Variants in FAM161B observed in about 807,000 individuals in gnomAD.
FAM161B encodes protein FAM161B.
Under a neutral mutation model 61.5 loss-of-function variants are expected in FAM161B, and 46 were observed. That is an observed-to-expected ratio of 0.75 (90% CI 0.59 to 0.96). The LOEUF is 0.96. Among genes scored for constraint, FAM161B ranks in the 40% least tolerant of loss-of-function variants. The probability of loss-of-function intolerance (pLI) is 0.00; values close to 1 mark genes in which losing one functional copy is unlikely to be tolerated. For missense variants in FAM161B, 774 were observed against 800.7 expected (o/e 0.97, Z 0.40); for synonymous variants, 284 against 302.7 (o/e 0.94, Z 0.64).
rs1465215937 is a variant in FAM161B, at chr14:73,950,078, G to T, written c.-52C>A. The T allele has an allele frequency of 1.2e-6, 2 of 1,606,504 alleles. No homozygotes were observed. Among genetic ancestry groups the T allele is most frequent in the Non-Finnish European group, 8.5e-7 (1 of 1,179,950 alleles). On this transcript the variant is annotated 5_prime_UTR_variant, in exon 1 of 9. Coordinates refer to ENST00000286544, the MANE Select transcript of FAM161B (RefSeq NM_152445.3). ...AGTGACAGCGATAGTGGCAGCAGCG[G>T]TGGCAGCGAGAGCTATGCGGGGCCA...
At chr14:73,942,029 T>TG (rs1163006934) in intron 4 of FAM161B, among the ~76,000 whole-genome samples, 1 of 152,162 alleles carries the variant, frequency 6.6e-6, no homozygotes, top group Non-Finnish European at 1.5e-5. Context: ...TGTTTTTAGA[T>TG]GGGGTCTCAC....
intron 8 of FAM161B, 152 bp downstream of exon 8, chr14:73,935,797 T>C: frequency 1.3e-6 from 1 of 773,154 alleles, no homozygotes; most frequent in African/African-American, 1.8e-5. Flanking sequence ...TCAAATGTGT[T>C]ACTTGGAGAT....
chr14:73,943,127 C>T (rs1349149628), intron 3 of FAM161B, among the ~76,000 whole-genome samples: 3 of 152,166 alleles, frequency 2.0e-5, no homozygotes, highest in Non-Finnish European at 4.4e-5. Flanking sequence ...GAGAAAGGCC[C>T]TACCATCCAC....
At chr14:73,923,478 C>G in the FAM161B span, 3 of 1,613,874 alleles carry the variant, frequency 1.9e-6, no homozygotes, top group South Asian at 3.3e-5. Flanking sequence ...GTCAGGGAGG[C>G]AATCATATGA....
chr14:73,932,425 T>C lies in FAM161B; in HGVS notation c.*1831A>G, dbSNP rs971269731. 4.4e-6 allele frequency: 2 copies of C among 453,282 alleles called. No homozygotes were observed. Among genetic ancestry groups the C allele is most frequent in the Non-Finnish European group, 4.4e-6 (1 of 226,204 alleles). 28.1% of individuals were successfully genotyped at this position (453,282 alleles called of 1,614,324 possible). On this transcript the variant is annotated 3_prime_UTR_variant, in exon 9 of 9. Transcript: ENST00000286544. ...AGTCTTAGGAAACAACAAGAACATC[T>C]TCATTTCTTAAGCCCAGGTGATAGT...
chr14:73,932,082 T>C (rs772843822), downstream of FAM161B: 1 of 454,452 alleles, frequency 2.2e-6, no homozygotes, highest in Non-Finnish European at 4.4e-6. Context: ...AAAAAATAAA[T>C]TACTTGAATC....
In FAM161B at chr14:73,932,378, T is replaced by C. The variant is rs1296401376; in HGVS notation, c.*1878A>G. The C allele has an allele frequency of 4.7e-6, 2 of 427,864 alleles. No individual in the cohort carries two copies. Among genetic ancestry groups the C allele is most frequent in the Non-Finnish European group, 9.1e-6 (2 of 219,120 alleles). 26.5% of individuals were successfully genotyped at this position (427,864 alleles called of 1,614,324 possible). On this transcript the variant is annotated 3_prime_UTR_variant, in exon 9 of 9. Coordinates refer to ENST00000286544, the MANE Select transcript of FAM161B (RefSeq NM_152445.3). ...GTATTGATTTACCCTTAGGATTCCA[T>C]ACCAGTAAAACTGAACCGAGGAGTC...
chr14:73,941,751 G>C (rs889382595), intron 4 of FAM161B, among the ~76,000 whole-genome samples: 1 of 152,146 alleles, frequency 6.6e-6, no homozygotes, highest in Non-Finnish European at 1.5e-5. Context: ...TGTTGTCCAG[G>C]CTGGCCTGCG....
At chr14:73,931,873 T>G (rs2055921086), downstream of FAM161B, 3 of 444,646 alleles carry the variant, frequency 6.7e-6, no homozygotes. Context: ...AGGGGAGGTT[T>G]TCCTTTGAAG....
At chr14:73,930,245 T>C (rs747832639), downstream of FAM161B, among the ~76,000 whole-genome samples, 22 of 152,320 alleles carry the variant, frequency 1.4e-4, no homozygotes, top group Middle Eastern at 3.4e-3. Flanking sequence ...CAGCATCAAA[T>C]GGAATATGTG....
intron 8 of FAM161B, among the ~76,000 whole-genome samples, chr14:73,935,294 G>GTC (rs1365515895): frequency 3.3e-5 from 5 of 151,976 alleles, no homozygotes; most frequent in Admixed American, 6.6e-5. Flanking sequence ...TTGGGAGGCT[G>GTC]AGGAGGGTAG....
intron 1 of FAM161B, among the ~76,000 whole-genome samples, chr14:73,949,124 G>A (rs970495688): frequency 2.6e-5 from 4 of 151,046 alleles, no homozygotes; most frequent in African/African-American, 9.7e-5. Context: ...TTGTTTTTGA[G>A]AGAGTTTTGC....
intron 2 of FAM161B, among the ~76,000 whole-genome samples, chr14:73,945,956 G>A (rs1002777786): frequency 1.3e-5 from 2 of 152,180 alleles, no homozygotes; most frequent in Admixed American, 1.3e-4. Context: ...TGGCCAGGCT[G>A]GTCTCGAATT....
downstream of FAM161B, chr14:73,927,711 T>C (rs2055853557): frequency 6.6e-6 from 1 of 152,182 alleles, no homozygotes; most frequent in South Asian, 2.1e-4. Context: ...AAACAAAATA[T>C]AGTCTCTGCC....
At chr14:73,928,352 G>A (rs2055864506), downstream of FAM161B, among the ~76,000 whole-genome samples, 1 of 152,098 alleles carries the variant, frequency 6.6e-6, no homozygotes, top group Non-Finnish European at 1.5e-5. Flanking sequence ...ATAGGGTTGA[G>A]TGTGATGGGA....
intron 5 of FAM161B, among the ~76,000 whole-genome samples, chr14:73,938,599 C>G (rs1290251264): frequency 1.3e-5 from 2 of 151,438 alleles, no homozygotes; most frequent in African/African-American, 4.9e-5. Flanking sequence ...TGTGAAACCC[C>G]ATCTCTACTA....
In FAM161B at chr14:73,936,098, G is replaced by A; in HGVS notation, c.1666-10C>T. 6.3e-7 allele frequency: 1 copy of A among 1,596,814 alleles called. No homozygotes were observed. The highest frequency in any genetic ancestry group is 8.5e-7 in the Non-Finnish European group (1 of 1,170,340). ...CTTTCTTGGCTAGATCCTGTGGGAT[G>A]GAAATTAATCTGTTGTAGCTGTCTT... On this transcript the variant is annotated splice_polypyrimidine_tract_variant and intron_variant, in intron 7 of 8. Coordinates refer to ENST00000286544, the MANE Select transcript of FAM161B (RefSeq NM_152445.3).
intron 6 of FAM161B, 93 bp from the exon 7 acceptor site, chr14:73,937,794 T>G: frequency 6.5e-7 from 1 of 1,536,744 alleles, no homozygotes; most frequent in Non-Finnish European, 8.9e-7. Flanking sequence ...TCGTGTACAC[T>G]GTAAATTCCT....
chr14:73,925,589 G>A, the FAM161B span, among the ~76,000 whole-genome samples: 3 of 151,944 alleles, frequency 2.0e-5, no homozygotes, highest in Admixed American at 6.6e-5. Context: ...TACCAAACCC[G>A]GCTAATTTTT....
Sources: allele counts gnomAD v4.1 joint callset (sites outside exome capture counted in the v4.1 genomes callset), GRCh38; gene constraint gnomAD v4.1.1; transcripts MANE v1.5; gene names NCBI Gene and HGNC (gene_info 2026-07-23, HGNC 2026-07-21).